Variants in SAMD12 observed in about 807,000 individuals in gnomAD.
SAMD12 encodes sterile alpha motif domain-containing protein 12.
In SAMD12, 9 loss-of-function variants were observed where a neutral mutation model predicts 15.0. The observed-to-expected ratio is 0.60, with a 90% CI of 0.36 to 1.05. The LOEUF (loss-of-function observed/expected upper bound fraction) is 1.05, where lower values mean the gene tolerates loss of function less well. SAMD12 is among the 50% of genes least tolerant of loss of function. The pLI, the probability that SAMD12 is intolerant of heterozygous loss-of-function variation, is 0.01. For synonymous variants in SAMD12, 86 were observed against 90.1 expected, an observed-to-expected ratio of 0.96 and a Z score of 0.25; for missense variants, 230 against 234.2, an observed-to-expected ratio of 0.98 and a Z score of 0.12.
At chr8:118,156,795 G>C in the SAMD12 span, among the ~76,000 whole-genome samples, 3 of 152,194 alleles carry the variant, frequency 2.0e-5, no homozygotes, top group African/African-American at 7.2e-5. Flanking sequence ...AAAGGGTTCT[G>C]AGTAGAGTGA....
chr8:118,211,324 G>A (rs1811817595), intron 4 of SAMD12, among the ~76,000 whole-genome samples: 1 of 152,154 alleles, frequency 6.6e-6, no homozygotes, highest in Non-Finnish European at 1.5e-5. Flanking sequence ...TATGGTAGGG[G>A]CAGTCTACAA....
At chr8:118,617,331 C>T (rs547352005) in intron 1 of SAMD12, among the ~76,000 whole-genome samples, 4 of 152,290 alleles carry the variant, frequency 2.6e-5, no homozygotes, top group African/African-American at 9.6e-5. Context: ...TCCCAGTCAC[C>T]GTTATTATTA....
At chr8:118,387,000 T>C (rs1303835500) in intron 3 of SAMD12, among the ~76,000 whole-genome samples, 4 of 152,168 alleles carry the variant, frequency 2.6e-5, no homozygotes, top group Non-Finnish European at 4.4e-5. Context: ...CCCAAATAAA[T>C]GGCCCTTTGT....
intron 2 of SAMD12, among the ~76,000 whole-genome samples, chr8:118,452,656 C>T (rs190635474): frequency 6.6e-6 from 1 of 152,204 alleles, no homozygotes; most frequent in East Asian, 1.9e-4. Flanking sequence ...CTATTATTCA[C>T]TTTTTATCCT....
Position 118,422,811 on chromosome 8 carries a change from C to T in SAMD12, c.322+17021G>A, listed in dbSNP as rs77914953. On this transcript the variant is annotated intron_variant, in intron 3 of 3. Coordinates refer to ENST00000314727, the MANE Select transcript of SAMD12 (RefSeq NM_207506.3). ...AAGAGGAGATGGATACAGGATGCAG[C>T]ATGTCTTCAAACTGAAATGCAAAAG... Among the ~76,000 whole-genome samples, 427 of 152,250 alleles carry T rather than the reference C, an allele frequency of 2.8e-3. 1 individual carries two copies. Among genetic ancestry groups the T allele is most frequent in the Non-Finnish European group, 5.0e-3 (343 of 68,016 alleles).
intron 2 of SAMD12, among the ~76,000 whole-genome samples, chr8:118,572,946 G>T (rs1827058220): frequency 6.6e-6 from 1 of 152,106 alleles, no homozygotes; most frequent in Admixed American, 6.6e-5. Flanking sequence ...TCGTGATAGT[G>T]AGTCAGTTCT....
intron 4 of SAMD12, among the ~76,000 whole-genome samples, chr8:118,309,396 GTGTGTGTGTGTA>G (rs1186528941): frequency 8.4e-4 from 128 of 151,516 alleles, no homozygotes; most frequent in African/African-American, 3.0e-3. Flanking sequence ...GTGTGTGTGT[GTGTGTGTGTGTA>G]TGTGTATTAT....
intron 2 of SAMD12, among the ~76,000 whole-genome samples, chr8:118,495,968 A>G (rs1824597754): frequency 6.6e-6 from 1 of 152,192 alleles, no homozygotes; most frequent in African/African-American, 2.4e-5. Context: ...CACAACGGTC[A>G]TTAAAACAAT....
At chr8:118,604,908 A>T (rs907049482) in intron 1 of SAMD12, among the ~76,000 whole-genome samples, 2 of 152,088 alleles carry the variant, frequency 1.3e-5, no homozygotes, top group Non-Finnish European at 2.9e-5. Flanking sequence ...GGCGACAGAG[A>T]GAGACTCCGT....
At chr8:118,559,076 G>A (rs1285643303) in intron 2 of SAMD12, among the ~76,000 whole-genome samples, 2 of 152,208 alleles carry the variant, frequency 1.3e-5, no homozygotes, top group Non-Finnish European at 2.9e-5. Context: ...ATTCCCTCCA[G>A]AGTGGATTTT....
intron 2 of SAMD12, among the ~76,000 whole-genome samples, chr8:118,533,389 T>C (rs1586794132): frequency 6.6e-6 from 1 of 152,344 alleles, no homozygotes; most frequent in Non-Finnish European, 1.5e-5. Flanking sequence ...ATAAGTGTGA[T>C]GTGGTGCTGA....
intron 3 of SAMD12, among the ~76,000 whole-genome samples, chr8:118,425,774 T>C (rs1355014294): frequency 6.6e-6 from 1 of 152,208 alleles, no homozygotes; most frequent in African/African-American, 2.4e-5. Flanking sequence ...ATCAAGTCCT[T>C]TGCTATAAAG....
intron 3 of SAMD12, among the ~76,000 whole-genome samples, chr8:118,409,936 A>G (rs1377155131): frequency 3.9e-5 from 6 of 151,962 alleles, no homozygotes; most frequent in Non-Finnish European, 5.9e-5. Context: ...ACTAATTTAT[A>G]TGTTTATTTT....
chr8:118,563,713 G>A (rs992533910), intron 2 of SAMD12, among the ~76,000 whole-genome samples: 4 of 152,180 alleles, frequency 2.6e-5, no homozygotes, highest in Admixed American at 2.6e-4. Flanking sequence ...GCAGGCTACT[G>A]CAAGTCAACT....
chr8:118,621,523 C>T (rs1241817303), intron 1 of SAMD12: 7 of 493,106 alleles, frequency 1.4e-5, no homozygotes, highest in African/African-American at 9.7e-5. Context: ...CCGGCTTTCC[C>T]CCCATTTCCA....
At chr8:118,240,755 A>C (rs925821965) in intron 4 of SAMD12, among the ~76,000 whole-genome samples, 7 of 145,780 alleles carry the variant, frequency 4.8e-5, no homozygotes, top group African/African-American at 1.7e-4. Flanking sequence ...ATTATGCAAA[A>C]GGAATTTTTT....
chr8:118,538,976 A>G (rs1376932524), intron 2 of SAMD12, among the ~76,000 whole-genome samples: 1 of 152,234 alleles, frequency 6.6e-6, no homozygotes, highest in African/African-American at 2.4e-5. Context: ...AATTTGCCTG[A>G]TATTTCAGAG....
chr8:118,415,174 A>C (rs1563842647), intron 3 of SAMD12, among the ~76,000 whole-genome samples: 1 of 152,178 alleles, frequency 6.6e-6, no homozygotes, highest in African/African-American at 2.4e-5. Context: ...TGCACAACAC[A>C]ACTGAAAGGT....
At position 118,332,092 on chromosome 8, in the gene SAMD12, T is replaced by A. The variant is rs1816832234; in HGVS notation, c.433+47468A>T. Among the ~76,000 whole-genome samples, 2 of 151,574 alleles carry A rather than the reference T, an allele frequency of 1.3e-5. 1 individual carries two copies. The highest frequency in any genetic ancestry group is 4.2e-4 in the South Asian group (2 of 4,806). On this transcript the variant is annotated intron_variant, in intron 4 of 4. Transcript: ENST00000409003. ...GCCATATAGCAAAACTAGCTCCCCC[T>A]TCAAAAAAAAGGGGGACAAAGGGAA...
Sources: gnomAD v4.1 joint callset for allele counts (sites outside exome capture counted in the v4.1 genomes callset) on GRCh38, gnomAD v4.1.1 for gene constraint, MANE v1.5 for transcripts, NCBI Gene and HGNC (gene_info 2026-07-23, HGNC 2026-07-21) for gene names.